The following CDH20 variants were observed in gnomAD, a reference collection of about 807,000 sequenced individuals.
The protein encoded by CDH20 is cadherin-20.
Under a neutral mutation model 74.2 loss-of-function variants are expected in CDH20, and 29 were observed. That is an observed-to-expected ratio of 0.39 (90% CI 0.29 to 0.53). The LOEUF is 0.53. Among genes scored for constraint, CDH20 ranks in the 20% least tolerant of loss-of-function variants. The pLI is 0.69. For synonymous variants in CDH20, 469 were observed against 405.4 expected (o/e 1.16, Z -1.88); for missense variants, 988 against 1,048.3 (o/e 0.94, Z 0.79).
intron 1 of CDH20, among the ~76,000 whole-genome samples, chr18:61,443,239 A>T (rs1909090237): frequency 6.6e-6 from 1 of 152,024 alleles, no homozygotes. Flanking sequence ...AGCAAACAGC[A>T]TAAATGAAAA....
chr18:61,473,958 T>C (rs561634575), intron 1 of CDH20, among the ~76,000 whole-genome samples: 139 of 152,338 alleles, frequency 9.1e-4, no homozygotes, highest in Non-Finnish European at 1.6e-3. Flanking sequence ...AAATTCAACA[T>C]TTCTCCTAGG....
intron 1 of CDH20, among the ~76,000 whole-genome samples, chr18:61,374,865 T>G (rs17068242): frequency 0.042 from 6,396 of 152,212 alleles, 208 homozygotes; most frequent in South Asian, 0.15. Context: ...GGGCACAACC[T>G]CTTATTTTAT....
In CDH20 at chr18:61,554,251, C is replaced by G. The variant is rs997964400; in HGVS notation, c.1962C>G (p.Asp654Glu). The G allele has an allele frequency of 6.2e-7, 1 of 1,613,866 alleles. No homozygotes were observed. The highest frequency in any genetic ancestry group is 1.3e-5 in the African/African-American group (1 of 74,928). Residue 654 changes from aspartate to glutamate, a missense_variant, in exon 12 of 12, where the codon GAC (aspartate) becomes GAG (glutamate). By Grantham distance (45) the Asp-to-Glu change is conservative. Coordinates refer to ENST00000262717, the MANE Select transcript of CDH20 (RefSeq NM_031891.4). ...RHRKQPYIID[D>E]EENIHENIVR... ...GGAAACAACCATACATCATCGACGA[C>G]GAGGAAAACATCCACGAGAACATCG...
At chr18:61,501,221 G>T (rs1911374318) in intron 4 of CDH20, among the ~76,000 whole-genome samples, 1 of 152,152 alleles carries the variant, frequency 6.6e-6, no homozygotes, top group South Asian at 2.1e-4. Context: ...ACAAACAGGA[G>T]TTTGGTGTTT....
Position 61,535,582 on chromosome 18 carries a change from A to C in CDH20, c.1272-911A>C, listed in dbSNP as rs137968037. ...ACAGGAAATATAGATCCTACCCAGG[A>C]GCTAGTTAACTAATGGCTCAAATGA... On this transcript the variant is annotated intron_variant, in intron 7 of 11. Transcript: ENST00000262717. Among the ~76,000 whole-genome samples, 411 of 152,294 alleles carry C rather than the reference A, an allele frequency of 2.7e-3. 1 individual carries two copies. Among genetic ancestry groups the C allele is most frequent in the African/African-American group, 9.6e-3 (401 of 41,564 alleles).
chr18:61,350,513 CTTA>C (rs1219069368), intron 1 of CDH20, among the ~76,000 whole-genome samples: 1 of 152,090 alleles, frequency 6.6e-6, no homozygotes, highest in Non-Finnish European at 1.5e-5. Flanking sequence ...ATCACTAGAA[CTTA>C]TTATTATCTT....
chr18:61,374,030 C>T (rs1284586475), intron 1 of CDH20, among the ~76,000 whole-genome samples: 1 of 152,112 alleles, frequency 6.6e-6, no homozygotes, highest in African/African-American at 2.4e-5. Flanking sequence ...CAGGTATGCT[C>T]TTCTCTCTGA....
intron 1 of CDH20, among the ~76,000 whole-genome samples, chr18:61,421,763 T>C (rs1159026376): frequency 6.6e-6 from 1 of 152,174 alleles, no homozygotes; most frequent in African/African-American, 2.4e-5. Flanking sequence ...GTATACCTAA[T>C]ATGTATCAAT....
chr18:61,459,435 G>A (rs1264447337), intron 1 of CDH20, among the ~76,000 whole-genome samples: 2 of 152,118 alleles, frequency 1.3e-5, no homozygotes, highest in Admixed American at 1.3e-4. Context: ...GGAAGTGGTG[G>A]AATGACATCC....
In CDH20 at chr18:61,545,043, G is replaced by C. The variant is rs1213567381; in HGVS notation, c.1547G>C (p.Ser516Thr). Residue 516 changes from serine to threonine, a missense_variant, in exon 10 of 12, where the codon AGT (serine) becomes ACT (threonine). This residue lies in a region of CDH20 where 613 missense variants were observed against 755.2 expected (regional missense o/e 0.81). Coordinates refer to ENST00000262717, the MANE Select transcript of CDH20 (RefSeq NM_031891.4). ...CTCCCTCAGCTGATCCAGACAGTGA[G>C]TGCGGTGGACCAAGATGACCCACGC... ...AKAGQLIQTV[S>T]AVDQDDPRNG... 4 of 1,612,948 alleles carry C rather than the reference G, an allele frequency of 2.5e-6. No individual in the cohort carries two copies. Among genetic ancestry groups the C allele is most frequent in the Admixed American group, 3.3e-5 (2 of 60,022 alleles).
At chr18:61,388,329 C>G (rs972533380) in intron 1 of CDH20, among the ~76,000 whole-genome samples, 10 of 152,172 alleles carry the variant, frequency 6.6e-5, no homozygotes, top group African/African-American at 2.4e-4. Context: ...CAGCCCTTAT[C>G]TGATGTGGCA....
intron 1 of CDH20, among the ~76,000 whole-genome samples, chr18:61,463,436 T>C (rs1449555123): frequency 2.0e-5 from 3 of 152,170 alleles, no homozygotes; most frequent in Non-Finnish European, 4.4e-5. Flanking sequence ...TCAAGATTGT[T>C]GTCAGACTTT....
chr18:61,381,607 G>A lies in CDH20; in HGVS notation c.-153+47780G>A, dbSNP rs150462031. On this transcript the variant is annotated intron_variant, in intron 1 of 11. Coordinates refer to ENST00000262717, the MANE Select transcript of CDH20 (RefSeq NM_031891.4). ...AGAAATTCACCAATCATGTTCTATG[G>A]GAAAGTAATTTCAAGAGAGACAAAA... Among the ~76,000 whole-genome samples, 222 of 152,260 alleles carry A rather than the reference G, an allele frequency of 1.5e-3. 1 individual carries two copies. The highest frequency in any genetic ancestry group is 5.1e-3 in the African/African-American group (210 of 41,544).
intron 1 of CDH20, among the ~76,000 whole-genome samples, chr18:61,449,144 C>G (rs1033918173): frequency 1.3e-5 from 2 of 152,180 alleles, no homozygotes; most frequent in Non-Finnish European, 2.9e-5. Context: ...TCCACCTTTA[C>G]CACTCAAACC....
At chr18:61,420,882 T>C (rs1912852936) in intron 1 of CDH20, among the ~76,000 whole-genome samples, 1 of 152,044 alleles carries the variant, frequency 6.6e-6, no homozygotes, top group Admixed American at 6.6e-5. Context: ...GGCAAAACCC[T>C]GTCTCTACTA....
At chr18:61,446,035 CAA>C (rs139005337) in intron 1 of CDH20, among the ~76,000 whole-genome samples, 214 of 152,202 alleles carry the variant, frequency 1.4e-3, no homozygotes, top group African/African-American at 5.0e-3. Flanking sequence ...ACAAGCATCC[CAA>C]GAGAGAGACA....
rs550340983 is a variant in CDH20 at position 61,398,819 on chromosome 18, C to T, written c.-153+64992C>T. Among the ~76,000 whole-genome samples, 11 of 152,210 alleles carry T rather than the reference C, an allele frequency of 7.2e-5. No homozygotes were observed. In the South Asian group the frequency reaches 1.5e-3, roughly 20 times the overall value. On this transcript the variant is annotated intron_variant, in intron 1 of 11. Transcript: ENST00000262717. ...CATGGCCCAGTAAGAAAGAAGATTA[C>T]GCTAATATTAACAAATAGAAATGAG... is the stretch of plus-strand genomic sequence containing the variant.
rs140820616 is a variant in CDH20 at position 61,546,015 on chromosome 18, C to A, written c.1648+871C>A. ...TTTTGTTCTGTAGCCAGATGATTTG[C>A]TTCAAAAGAAAAAAAAAGGTCAGGG... On this transcript the variant is annotated intron_variant, in intron 10 of 11. Transcript: ENST00000262717. Among the ~76,000 whole-genome samples the A allele has an allele frequency of 2.6e-3, 389 of 151,916 alleles. 2 individuals are homozygous for A. Among genetic ancestry groups the A allele is most frequent in the African/African-American group, 8.9e-3 (370 of 41,406 alleles).
chr18:61,516,425 A>G (rs1912006834), intron 6 of CDH20, among the ~76,000 whole-genome samples: 1 of 152,242 alleles, frequency 6.6e-6, no homozygotes, highest in African/African-American at 2.4e-5. Context: ...GAAAAGCTAT[A>G]AAGGAAGTAT....
Sources: allele counts gnomAD v4.1 joint callset (sites outside exome capture counted in the v4.1 genomes callset), GRCh38; gene constraint gnomAD v4.1.1; regional missense constraint gnomAD v4.1.1; transcripts MANE v1.5; gene names NCBI Gene and HGNC (gene_info 2026-07-23, HGNC 2026-07-21).